OR52N4: variants seen among roughly 807,000 people sequenced by gnomAD.
OR52N4 encodes olfactory receptor 52N4.
A neutral mutation model predicts 15.0 loss-of-function variants in OR52N4; 15 were observed. The observed-to-expected ratio is 1.00, with a 90% CI of 0.67 to 1.54. OR52N4 has a LOEUF of 1.54. OR52N4 is among the 40% of genes most tolerant of loss of function. The pLI is 0.00. For synonymous variants in OR52N4, 143 were observed against 143.7 expected, an observed-to-expected ratio of 1.00 and a Z score of 0.03; for missense variants, 421 against 394.0, an observed-to-expected ratio of 1.07 and a Z score of -0.58.
chr11:5,730,189 A>AATTT, the OR52N4 span, among the ~76,000 whole-genome samples: 1 of 110,218 alleles, frequency 9.1e-6, no homozygotes. Context: ...AGCAGTAACC[A>AATTT]TTTTTTTTTT....
the OR52N4 span, among the ~76,000 whole-genome samples, chr11:5,730,053 A>G: frequency 1.3e-5 from 2 of 152,172 alleles, no homozygotes; most frequent in Non-Finnish European, 2.9e-5. Context: ...TTTTTAAATG[A>G]AAGTTCATGA....
At position 5,755,548 on chromosome 11, in the gene OR52N4, A is replaced by C. The variant is rs1564959234; in HGVS notation, c.808A>C (p.Ile270Leu). ...SFFSHRFGEH[I>L]IPPSCHIIVA... Reference sequence around the variant, plus strand: ...CTTTTCCCACCGCTTTGGGGAACACATAATCCCCCCTTCTTGCCACATCAT... The same window carrying C: ...CTTTTCCCACCGCTTTGGGGAACACCTAATCCCCCCTTCTTGCCACATCAT... Residue 270 changes from isoleucine to leucine, a missense_variant, in exon 2 of 2, where the codon ATA becomes CTA. Coordinates refer to ENST00000641350, the MANE Select transcript of OR52N4 (RefSeq NM_001005175.5). 6.2e-7 allele frequency: 1 copy of C among 1,613,900 alleles called. No individual in the cohort carries two copies. The highest frequency in any genetic ancestry group is 2.2e-5 in the East Asian group (1 of 44,860).
At chr11:5,746,408 A>C in the OR52N4 span, among the ~76,000 whole-genome samples, 1 of 152,196 alleles carries the variant, frequency 6.6e-6, no homozygotes, top group Non-Finnish European at 1.5e-5. Flanking sequence ...CATCTAACAA[A>C]GGAGTAAATC....
At chr11:5,733,616 TTTG>T in the OR52N4 span, among the ~76,000 whole-genome samples, 6 of 152,136 alleles carry the variant, frequency 3.9e-5, no homozygotes, top group Admixed American at 3.3e-4. Context: ...TTTGCTTGAT[TTTG>T]TTGTTATTAT....
At chr11:5,736,462 C>G in the OR52N4 span, 38 of 1,519,378 alleles carry the variant, frequency 2.5e-5, no homozygotes, top group Non-Finnish European at 3.4e-5. Context: ...GTGGTGGTTC[C>G]AACCTGTGAT....
chr11:5,744,988 CTCA>C, the OR52N4 span, among the ~76,000 whole-genome samples: 1 of 152,068 alleles, frequency 6.6e-6, no homozygotes, highest in African/African-American at 2.4e-5. Context: ...TTTGACAAAA[CTCA>C]TCATCTCTTC....
chr11:5,754,971 T>C lies in OR52N4; in HGVS notation c.231T>C (p.Ser77=). 6.2e-7 allele frequency: 1 copy of C among 1,613,916 alleles called. No individual in the cohort carries two copies. Among genetic ancestry groups the C allele is most frequent in the Non-Finnish European group, 8.5e-7 (1 of 1,179,858 alleles). Residue 77 remains serine (S), a synonymous_variant, in exon 2 of 2, where the codon TCT becomes TCC. Coordinates refer to ENST00000641350, the MANE Select transcript of OR52N4 (RefSeq NM_001005175.5). ...MLSFTDLVMC[S]STIPKALCIF... is the part of the protein sequence containing the mutation. The stretch of plus-strand genomic sequence containing the variant: ...CCTTTACTGACCTTGTTATGTGCTC[T>C]AGTACAATCCCTAAAGCCCTCTGCA...
rs770622555 is a variant in OR52N4 at position 5,754,976 on chromosome 11, C to T, written c.236C>T (p.Thr79Ile). The T allele has an allele frequency of 1.2e-6, 2 of 1,613,862 alleles. No homozygotes were observed. The highest frequency in any genetic ancestry group is 1.1e-5 in the South Asian group (1 of 91,076). Residue 79 changes from threonine to isoleucine, a missense_variant, in exon 2 of 2, where the codon ACA becomes ATA. Thr to Ile is a moderately conservative substitution (Grantham distance 89). Coordinates refer to ENST00000641350, the MANE Select transcript of OR52N4 (RefSeq NM_001005175.5). ...ACTGACCTTGTTATGTGCTCTAGTA[C>T]AATCCCTAAAGCCCTCTGCATCTTC... ...SFTDLVMCSS[T>I]IPKALCIFWF... is the part of the protein sequence containing the mutation.
the OR52N4 span, among the ~76,000 whole-genome samples, chr11:5,745,283 T>A: frequency 8.4e-3 from 1,282 of 152,238 alleles, 18 homozygotes; most frequent in African/African-American, 0.028. Context: ...GATATGATCT[T>A]ATATGTAGAA....
In OR52N4 at chr11:5,754,306, G is replaced by A. The variant is rs1298717920; in HGVS notation, c.-49+1G>A. Reference sequence around the variant, plus strand: ...TCTCATCTCTCAGATCATCAGTGAGGTAATCAAATGACTCTTCTTTAAAAT... The same window carrying A: ...TCTCATCTCTCAGATCATCAGTGAGATAATCAAATGACTCTTCTTTAAAAT... On this transcript the variant is annotated splice_donor_variant, in intron 1 of 1. Transcript: ENST00000641350. LOFTEE classifies it low-confidence loss of function (5UTR_SPLICE). 6.4e-6 allele frequency: 1 copy of A among 155,522 alleles called. No individual in the cohort carries two copies. The highest frequency in any genetic ancestry group is 1.4e-5 in the Non-Finnish European group (1 of 70,544). 9.6% of individuals were successfully genotyped at this position (155,522 alleles called of 1,614,324 possible).
chr11:5,730,421 G>T, the OR52N4 span, among the ~76,000 whole-genome samples: 2 of 151,750 alleles, frequency 1.3e-5, no homozygotes, highest in African/African-American at 4.8e-5. Flanking sequence ...TCGATCTTCT[G>T]ACCTCGTGAT....
chr11:5,753,930 T>C (rs189145480), upstream of OR52N4, among the ~76,000 whole-genome samples: 175 of 140,926 alleles, frequency 1.2e-3, 1 homozygote, highest in Non-Finnish European at 1.9e-3. Context: ...GAGGTGGAGG[T>C]TGCAGCCAAG....
chr11:5,743,916 T>A, the OR52N4 span, among the ~76,000 whole-genome samples: 1 of 150,492 alleles, frequency 6.6e-6, no homozygotes, highest in African/African-American at 2.4e-5. Context: ...GACAGAAAAA[T>A]ACAAAGATAA....
chr11:5,754,585 A>C (rs1854256902), intron 1 of OR52N4, 108 bp from the exon 2 acceptor site: 1 of 648,138 alleles, frequency 1.5e-6, no homozygotes. Context: ...GCACTCAGAA[A>C]TTTGGTTGTT....
chr11:5,748,763 C>T, the OR52N4 span, among the ~76,000 whole-genome samples: 1 of 151,880 alleles, frequency 6.6e-6, no homozygotes, highest in Non-Finnish European at 1.5e-5. Flanking sequence ...ATATCTTTCC[C>T]ATAGGGTAGT....
At chr11:5,734,018 A>G in the OR52N4 span, among the ~76,000 whole-genome samples, 5,703 of 152,164 alleles carry the variant, frequency 0.037, 327 homozygotes, top group African/African-American at 0.13. Flanking sequence ...TAGGTCTTTC[A>G]TCATGTCTGC....
At chr11:5,727,855 A>C in the OR52N4 span, among the ~76,000 whole-genome samples, 93 of 152,324 alleles carry the variant, frequency 6.1e-4, no homozygotes, top group Admixed American at 2.5e-3. Context: ...ACCAGCTGCA[A>C]GAATCAGAAG....
the OR52N4 span, among the ~76,000 whole-genome samples, chr11:5,739,549 G>A: frequency 1.5e-5 from 1 of 67,346 alleles, no homozygotes; most frequent in African/African-American, 5.5e-5. Flanking sequence ...GTGAAAGAGT[G>A]AGACTCTGAC....
chr11:5,753,743 A>C (rs963482569), upstream of OR52N4, among the ~76,000 whole-genome samples: 2 of 152,140 alleles, frequency 1.3e-5, no homozygotes, highest in Non-Finnish European at 2.9e-5. Flanking sequence ...CTGTAATCCC[A>C]GCACTTTGGG....
Sources: allele counts gnomAD v4.1 joint callset (sites outside exome capture counted in the v4.1 genomes callset), GRCh38; gene constraint gnomAD v4.1.1; transcripts MANE v1.5; gene names NCBI Gene and HGNC (gene_info 2026-07-23, HGNC 2026-07-21).